The following ELL variants were observed in gnomAD, a reference collection of about 807,000 sequenced individuals.
ELL encodes elongation factor for RNA polymerase II.
ELL carries 18 observed loss-of-function variants against 64.0 expected under a neutral mutation model. The observed-to-expected ratio is 0.28, with a 90% CI of 0.19 to 0.42. ELL has a LOEUF of 0.42. ELL is among the 10% of genes least tolerant of loss of function. ELL has a pLI of 1.00. For missense variants in ELL, 797 were observed against 870.4 expected (o/e 0.92, Z 1.06); for synonymous variants, 399 against 376.2 (o/e 1.06, Z -0.70).
intron 1 of ELL, among the ~76,000 whole-genome samples, chr19:18,496,257 A>G (rs1268461275): frequency 6.6e-6 from 1 of 152,188 alleles, no homozygotes; most frequent in Non-Finnish European, 1.5e-5. Context: ...GTGGTTGTGA[A>G]AAGAGCCACC....
chr19:18,446,696 T>A lies in ELL; in HGVS notation c.1532+52A>T, dbSNP rs1409163375. 3.1e-6 allele frequency: 5 copies of A among 1,603,762 alleles called. No homozygotes were observed. In the African/African-American group the frequency reaches 6.7e-5, roughly 22 times the overall value. On this transcript the variant is annotated intron_variant, in intron 9 of 11. Coordinates refer to ENST00000262809, the MANE Select transcript of ELL (RefSeq NM_006532.4). The stretch of plus-strand genomic sequence containing the variant: ...TAACCTGCAGTGCTGGGGGAGGGGG[T>A]CTGAACCCAGAAAAGGGAGGCCTGG...
At chr19:18,450,424 G>A (rs1165952352) in intron 8 of ELL, 53 bp downstream of exon 8, 2 of 1,582,374 alleles carry the variant, frequency 1.3e-6, no homozygotes, top group Admixed American at 3.4e-5. Context: ...GGTGAGGCGG[G>A]TGTGGGGCCA....
chr19:18,465,631 C>T lies in ELL; in HGVS notation c.306-56G>A, dbSNP rs1280084225. 1.0e-5 allele frequency: 15 copies of T among 1,500,588 alleles called. No homozygotes were observed. In the East Asian group the frequency reaches 2.0e-4, roughly 20 times the overall value. The allele number at this position is 1,500,588 out of a possible 1,614,324, so 93.0% of individuals were successfully genotyped here. ...CAGCTGGGACAATGCAGGGAGGATC[C>T]GTTGAGGGCCCAAGCCCCCAGCCCA... is the stretch of plus-strand genomic sequence containing the variant. On this transcript the variant is annotated intron_variant, in intron 3 of 11. Transcript: ENST00000262809.
chr19:18,454,456 G>A (rs2144900523), intron 6 of ELL, among the ~76,000 whole-genome samples: 2 of 152,158 alleles, frequency 1.3e-5, no homozygotes, highest in African/African-American at 2.4e-5. Context: ...CCGAGATCGC[G>A]CCACTGCACT....
chr19:18,503,190 G>A (rs933701435), intron 1 of ELL, among the ~76,000 whole-genome samples: 1 of 152,272 alleles, frequency 6.6e-6, no homozygotes, highest in Admixed American at 6.5e-5. Flanking sequence ...CCGTGGTCTG[G>A]AGAGTGTCCA....
At chr19:18,495,227 G>A (rs1975622577) in intron 1 of ELL, among the ~76,000 whole-genome samples, 2 of 152,148 alleles carry the variant, frequency 1.3e-5, no homozygotes, top group Admixed American at 6.5e-5. Flanking sequence ...GCTGACCCCA[G>A]GAGACTGCAG....
intron 1 of ELL, among the ~76,000 whole-genome samples, chr19:18,497,307 G>A (rs139894130): frequency 6.6e-6 from 1 of 152,340 alleles, no homozygotes. Flanking sequence ...TACAGAACAC[G>A]CTGGAGAAAA....
intron 6 of ELL, among the ~76,000 whole-genome samples, chr19:18,455,120 G>A (rs1341008543): frequency 2.8e-5 from 4 of 144,338 alleles, no homozygotes; most frequent in Non-Finnish European, 6.0e-5. Context: ...CAGGTTGGGC[G>A]ATAGGGTGAG....
Position 18,443,948 on chromosome 19 carries a change from A to G in ELL, c.*804T>C. On this transcript the variant is annotated 3_prime_UTR_variant, in exon 12 of 12. Transcript: ENST00000262809. ...ATGGGAAACCGAGGACATCGCAAAGAAAAGTCTGACGCCGCTGCGGCCGAG... is the reference window on the plus strand; with the variant it reads ...ATGGGAAACCGAGGACATCGCAAAGGAAAGTCTGACGCCGCTGCGGCCGAG... 4.3e-6 allele frequency: 1 copy of G among 232,644 alleles called. No individual in the cohort carries two copies. Among genetic ancestry groups the G allele is most frequent in the East Asian group, 6.1e-5 (1 of 16,490 alleles). The allele number at this position is 232,644 out of a possible 1,614,324, so 14.4% of individuals were successfully genotyped here.
intron 8 of ELL, chr19:18,448,138 A>G (rs951608613): frequency 1.8e-4 from 27 of 150,108 alleles, no homozygotes; most frequent in African/African-American, 6.4e-4. Context: ...GCTTGCCTAT[A>G]TCGCCTAGGC....
chr19:18,514,123 A>G (rs370564020), intron 1 of ELL, among the ~76,000 whole-genome samples: 2 of 152,240 alleles, frequency 1.3e-5, no homozygotes, highest in East Asian at 3.9e-4. Context: ...GCCCACTGCC[A>G]GGTCAGATGG....
chr19:18,477,247 C>T (rs1399423721), intron 1 of ELL, among the ~76,000 whole-genome samples: 1 of 152,176 alleles, frequency 6.6e-6, no homozygotes, highest in Non-Finnish European at 1.5e-5. Context: ...TCACAGCAGG[C>T]ACCACAGAAG....
chr19:18,465,356 TCCCGACACTGGCAGCTGCCCGGCTGC>T (rs1238578259), intron 4 of ELL, 30 bp downstream of exon 4: 33 of 1,536,120 alleles, frequency 2.1e-5, no homozygotes, highest in Non-Finnish European at 2.8e-5. Flanking sequence ...CCCAAATGTC[TCCCGACACTGGCAGCTGCCCGGCTGC>T]CCTACAGCCC....
Position 18,450,825 on chromosome 19 carries a change from C to T in ELL, c.1117G>A (p.Ala373Thr), listed in dbSNP as rs1308624791. ...CTGGAGCTGAGGGTGTCCGTGCTGG[C>T]TGGTGGGCCCGGGGTGGGCAGCAAG... ...EALLPTPGPPASTDTLSSSTH... is the reference protein window; with the variant it reads ...EALLPTPGPPTSTDTLSSSTH... The change falls in exon 8 of 12, where the codon GCC becomes ACC. Residue 373 changes from alanine to threonine, a missense_variant. Coordinates refer to ENST00000262809, the MANE Select transcript of ELL (RefSeq NM_006532.4). 6.3e-7 allele frequency: 1 copy of T among 1,587,418 alleles called. No individual in the cohort carries two copies. Among genetic ancestry groups the T allele is most frequent in the South Asian group, 1.1e-5 (1 of 88,442 alleles).
intron 2 of ELL, among the ~76,000 whole-genome samples, chr19:18,467,276 C>T (rs945713036): frequency 3.9e-5 from 6 of 152,118 alleles, no homozygotes; most frequent in African/African-American, 1.4e-4. Context: ...CCTGCCCCTT[C>T]CCCAGGCTGA....
intron 9 of ELL, 64 bp from the exon 10 acceptor site, chr19:18,446,544 GCCA>G: frequency 1.7e-5 from 26 of 1,572,374 alleles, no homozygotes; most frequent in Non-Finnish European, 2.2e-5. Context: ...CCAGGAAGTG[GCCA>G]TCCTGGCTCC....
intron 1 of ELL, among the ~76,000 whole-genome samples, chr19:18,518,489 C>CAA (rs34535243): frequency 2.9e-4 from 32 of 110,622 alleles, no homozygotes; most frequent in South Asian, 9.0e-4. Flanking sequence ...AACCCTGTCT[C>CAA]AAAAAAAAAA....
At chr19:18,453,860 C>T (rs1042049566) in intron 6 of ELL, among the ~76,000 whole-genome samples, 9 of 152,224 alleles carry the variant, frequency 5.9e-5, no homozygotes, top group Non-Finnish European at 1.0e-4. Context: ...TGAGCCACCA[C>T]GCCCGGTCCT....
intron 1 of ELL, among the ~76,000 whole-genome samples, chr19:18,486,180 G>A (rs985350831): frequency 1.3e-5 from 2 of 152,088 alleles, no homozygotes; most frequent in African/African-American, 4.8e-5. Flanking sequence ...CCTCGGGTGG[G>A]AGCCCTGCAA....
Sources: allele counts gnomAD v4.1 joint callset (sites outside exome capture counted in the v4.1 genomes callset), GRCh38; gene constraint gnomAD v4.1.1; transcripts MANE v1.5; gene names NCBI Gene and HGNC (gene_info 2026-07-23, HGNC 2026-07-21).